Variants in SLC3A1 observed in about 807,000 individuals in gnomAD.
The protein encoded by SLC3A1 is solute carrier family 3 member 1.
Under a neutral mutation model 60.3 loss-of-function variants are expected in SLC3A1, and 78 were observed. That is an observed-to-expected ratio of 1.29 (90% CI 1.08 to 1.56). The LOEUF is 1.56. Among genes scored for constraint, SLC3A1 ranks in the 40% most tolerant of loss-of-function variants. The probability of loss-of-function intolerance (pLI) is 0.00; values close to 1 mark genes in which losing one functional copy is unlikely to be tolerated. For synonymous variants in SLC3A1, 392 were observed against 307.9 expected (o/e 1.27, Z -2.86); for missense variants, 1,172 against 858.9 (o/e 1.36, Z -4.56).
intron 8 of SLC3A1, 22 bp from the exon 9 acceptor site, chr2:44,313,813 C>A (rs760114590): frequency 1.5e-5 from 24 of 1,565,750 alleles, no homozygotes; most frequent in Middle Eastern, 3.4e-4. Flanking sequence ...CACTGTTTTC[C>A]CTTTCTGGTC....
chr2:44,299,879 T>C, intron 4 of SLC3A1, 92 bp from the exon 5 acceptor site: 1 of 1,301,038 alleles, frequency 7.7e-7, no homozygotes, highest in Non-Finnish European at 1.1e-6. Flanking sequence ...ATCTGTTTTA[T>C]GATGCCAAGT....
chr2:44,275,966 G>T lies in SLC3A1; in HGVS notation c.430+1G>T. ...AAGGATGGGAACGGAGATCTGAAAGGTACATGCCCAGAGATCATTTAGGGT... is the reference window on the plus strand; with the variant it reads ...AAGGATGGGAACGGAGATCTGAAAGTTACATGCCCAGAGATCATTTAGGGT... On this transcript the variant is annotated splice_donor_variant, in intron 1 of 9. Coordinates refer to ENST00000260649, the MANE Select transcript of SLC3A1 (RefSeq NM_000341.4). LOFTEE classifies it high-confidence loss of function. 2 of 1,613,860 alleles carry T rather than the reference G, an allele frequency of 1.2e-6. No individual in the cohort carries two copies. The highest frequency in any genetic ancestry group is 1.7e-6 in the Non-Finnish European group (2 of 1,179,716).
intron 4 of SLC3A1, among the ~76,000 whole-genome samples, chr2:44,288,817 CCATTTTTATTT>C (rs1671674195): frequency 6.6e-6 from 1 of 152,104 alleles, no homozygotes; most frequent in East Asian, 1.9e-4. Context: ...AATCCTTTGC[CCATTTTTATTT>C]CATTTTTATT....
chr2:44,282,270 T>G (rs1361983638), intron 3 of SLC3A1, among the ~76,000 whole-genome samples: 1 of 152,166 alleles, frequency 6.6e-6, no homozygotes, highest in Non-Finnish European at 1.5e-5. Flanking sequence ...CCTTAGTAGT[T>G]GAGTCTCTGG....
intron 4 of SLC3A1, among the ~76,000 whole-genome samples, chr2:44,287,262 A>G (rs1436981467): frequency 1.3e-5 from 2 of 152,130 alleles, no homozygotes; most frequent in East Asian, 1.9e-4. Flanking sequence ...TGGCTCTTCT[A>G]TATAAAGTGT....
Position 44,320,370 on chromosome 2 carries a change from C to T in SLC3A1, c.1789C>T (p.Leu597=), listed in dbSNP as rs778694409. The T allele has an allele frequency of 4.3e-6, 7 of 1,614,084 alleles. No homozygotes were observed. The highest frequency in any genetic ancestry group is 5.9e-6 in the Non-Finnish European group (7 of 1,179,972). ...CATCGACAGAATCTTTATCGTGGTT[C>T]TGAATTTTGGAGAATCAACACTGTT... ...DGIDRIFIVV[L]NFGESTLLNL... Residue 597 remains leucine (L), a synonymous_variant, in exon 10 of 10, where the codon CTG becomes TTG. Transcript: ENST00000260649.
At chr2:44,285,409 T>G (rs1197215999) in intron 3 of SLC3A1, 1 of 280,930 alleles carries the variant, frequency 3.6e-6, no homozygotes, top group African/African-American at 2.2e-5. Flanking sequence ...AGCGTTGACT[T>G]AAGGAGTGGC....
In SLC3A1 at chr2:44,286,176, A is replaced by G; in HGVS notation, c.891+19A>G. 6.2e-7 allele frequency: 1 copy of G among 1,611,650 alleles called. No homozygotes were observed. Among genetic ancestry groups the G allele is most frequent in the Non-Finnish European group, 8.5e-7 (1 of 1,178,028 alleles). On this transcript the variant is annotated intron_variant, in intron 4 of 9. Transcript: ENST00000260649. ...AATAAAAGTGAGTATAGATACCCACACAGACTTCTCCATTAATGGAGGTTT... is the reference window on the plus strand; with the variant it reads ...AATAAAAGTGAGTATAGATACCCACGCAGACTTCTCCATTAATGGAGGTTT...
At chr2:44,279,731 T>A (rs1671448519) in intron 1 of SLC3A1, among the ~76,000 whole-genome samples, 1 of 151,346 alleles carries the variant, frequency 6.6e-6, no homozygotes, top group Admixed American at 6.6e-5. Flanking sequence ...CATATTGTTA[T>A]TTTTTTTTGT....
Position 44,299,964 on chromosome 2 carries a change from T to G in SLC3A1, c.892-7T>G. On this transcript the variant is annotated splice_region_variant and splice_polypyrimidine_tract_variant and intron_variant, in intron 4 of 9. Transcript: ENST00000260649. Reference sequence around the variant, plus strand: ...TGTAACCAAGCATTTTGCTTCTTCATCTTTAGGAAATTTTACGGTTCTGGC... The same window carrying G: ...TGTAACCAAGCATTTTGCTTCTTCAGCTTTAGGAAATTTTACGGTTCTGGC... The G allele has an allele frequency of 6.2e-7, 1 of 1,614,082 alleles. No individual in the cohort carries two copies. Among genetic ancestry groups the G allele is most frequent in the Non-Finnish European group, 8.5e-7 (1 of 1,179,936 alleles).
At chr2:44,294,175 C>A (rs564959265) in intron 4 of SLC3A1, among the ~76,000 whole-genome samples, 5 of 151,980 alleles carry the variant, frequency 3.3e-5, no homozygotes, top group Non-Finnish European at 7.4e-5. Context: ...GATTGGTCAA[C>A]AGTGTCAAAT....
intron 7 of SLC3A1, among the ~76,000 whole-genome samples, chr2:44,306,756 C>T (rs529956636): frequency 1.1e-4 from 16 of 152,004 alleles, no homozygotes; most frequent in East Asian, 1.9e-4. Context: ...GGGGTTTCAT[C>T]ATGTTGGCCA....
intron 4 of SLC3A1, among the ~76,000 whole-genome samples, chr2:44,299,723 T>A (rs1671954522): frequency 2.6e-5 from 4 of 152,218 alleles, no homozygotes; most frequent in Non-Finnish European, 1.5e-5. Flanking sequence ...TAACATCCAT[T>A]ACAAATGTAA....
chr2:44,299,867 A>G lies in SLC3A1; in HGVS notation c.892-104A>G, dbSNP rs192799688. The G allele has an allele frequency of 2.9e-5, 33 of 1,119,884 alleles. 1 individual carries two copies. In the East Asian group the frequency reaches 4.2e-4, roughly 14 times the overall value. The allele number at this position is 1,119,884 out of a possible 1,614,324, so 69.4% of individuals were successfully genotyped here. ...AATACTGTGCTTGTTCTGTATGTAG[A>G]TATCTGTTTTATGATGCCAAGTTGT... On this transcript the variant is annotated intron_variant, in intron 4 of 9. Transcript: ENST00000260649.
intron 4 of SLC3A1, among the ~76,000 whole-genome samples, chr2:44,296,934 G>T (rs1036723899): frequency 6.6e-6 from 1 of 152,144 alleles, no homozygotes; most frequent in African/African-American, 2.4e-5. Flanking sequence ...TGTAAGATGT[G>T]ACTTTGCTCC....
chr2:44,309,454 T>C (rs1672239549), intron 7 of SLC3A1, among the ~76,000 whole-genome samples: 1 of 152,202 alleles, frequency 6.6e-6, no homozygotes, highest in Non-Finnish European at 1.5e-5. Flanking sequence ...TATCTATTCA[T>C]CTGTTGGTGA....
chr2:44,303,084 C>G (rs546588656), intron 6 of SLC3A1, among the ~76,000 whole-genome samples: 7 of 151,658 alleles, frequency 4.6e-5, no homozygotes, highest in Non-Finnish European at 8.8e-5. Flanking sequence ...GCCTGTAATC[C>G]TAGCTACTCG....
intron 4 of SLC3A1, among the ~76,000 whole-genome samples, chr2:44,289,701 G>A (rs1338053927): frequency 1.3e-5 from 2 of 152,106 alleles, no homozygotes; most frequent in African/African-American, 4.8e-5. Context: ...CGCAATCTCA[G>A]CTCACTGCAA....
intron 1 of SLC3A1, among the ~76,000 whole-genome samples, chr2:44,279,006 T>A (rs112444890): frequency 0.15 from 22,230 of 151,144 alleles, 1,755 homozygotes; most frequent in South Asian, 0.23. Flanking sequence ...ATTTATTATT[T>A]TTTTTTTTTT....
Sources: gnomAD v4.1 joint callset for allele counts (sites outside exome capture counted in the v4.1 genomes callset) on GRCh38, gnomAD v4.1.1 for gene constraint, MANE v1.5 for transcripts, NCBI Gene and HGNC (gene_info 2026-07-23, HGNC 2026-07-21) for gene names.